The following GLDN variants were observed in gnomAD, a reference collection of about 807,000 sequenced individuals.
The protein encoded by GLDN is gliomedin.
GLDN carries 47 observed loss-of-function variants against 56.5 expected under a neutral mutation model. That is an observed-to-expected ratio of 0.83 (90% CI 0.66 to 1.06). The LOEUF (loss-of-function observed/expected upper bound fraction) is 1.06, where lower values mean the gene tolerates loss of function less well. Ranked by LOEUF, GLDN falls within the 50% of genes least tolerant of loss-of-function variation. The pLI, the probability that GLDN is intolerant of heterozygous loss-of-function variation, is 0.00. For synonymous variants in GLDN, 332 were observed against 278.8 expected, an observed-to-expected ratio of 1.19 and a Z score of -1.90; for missense variants, 782 against 714.3, an observed-to-expected ratio of 1.09 and a Z score of -1.08.
At chr15:51,343,913 C>A (rs1196028241) in intron 1 of GLDN, among the ~76,000 whole-genome samples, 1 of 152,224 alleles carries the variant, frequency 6.6e-6, no homozygotes, top group Non-Finnish European at 1.5e-5. Context: ...CTCATCCCCC[C>A]ACCTCCTATG....
chr15:51,363,268 A>G (rs2037336853), intron 1 of GLDN, among the ~76,000 whole-genome samples: 1 of 152,172 alleles, frequency 6.6e-6, no homozygotes, highest in Non-Finnish European at 1.5e-5. Context: ...GAGTCTGTCT[A>G]TTCCTTATGA....
At chr15:51,388,623 T>C (rs376868876) in intron 4 of GLDN, among the ~76,000 whole-genome samples, 1 of 152,210 alleles carries the variant, frequency 6.6e-6, no homozygotes. Context: ...ATAAATTCAT[T>C]GTTGAATGAC....
At chr15:51,388,842 G>C (rs2037955771) in intron 4 of GLDN, among the ~76,000 whole-genome samples, 1 of 152,174 alleles carries the variant, frequency 6.6e-6, no homozygotes, top group East Asian at 1.9e-4. Flanking sequence ...CTGAGCGCTG[G>C]TGCAGTTAAC....
At chr15:51,402,097 TAA>T (rs2038266998) in intron 9 of GLDN, among the ~76,000 whole-genome samples, 1 of 152,220 alleles carries the variant, frequency 6.6e-6, no homozygotes, top group South Asian at 2.1e-4. Flanking sequence ...TGCTCCCTGA[TAA>T]AGTTTTGTTT....
chr15:51,377,183 T>A, intron 1 of GLDN: 1 of 504,256 alleles, frequency 2.0e-6, no homozygotes, highest in Non-Finnish European at 3.5e-6. Context: ...AAACACGAAG[T>A]CATGCATTGC....
At chr15:51,355,487 G>T (rs1479826682) in intron 1 of GLDN, among the ~76,000 whole-genome samples, 2 of 151,248 alleles carry the variant, frequency 1.3e-5, no homozygotes, top group East Asian at 3.9e-4. Context: ...GGTTTTGGCT[G>T]GCTTCTTTAC....
At chr15:51,392,360 T>C (rs1020951460) in intron 4 of GLDN, among the ~76,000 whole-genome samples, 2 of 152,156 alleles carry the variant, frequency 1.3e-5, no homozygotes, top group Admixed American at 1.3e-4. Flanking sequence ...CAGCATTAGA[T>C]TCTCATAGGA....
intron 1 of GLDN, among the ~76,000 whole-genome samples, chr15:51,376,740 C>A (rs2037639452): frequency 6.6e-6 from 1 of 152,092 alleles, no homozygotes; most frequent in Non-Finnish European, 1.5e-5. Flanking sequence ...ACTTTTTAAG[C>A]TTTTTTGTTA....
chr15:51,341,868 G>C lies in GLDN; in HGVS notation c.184G>C (p.Asp62His). Residue 62 changes from aspartate to histidine, a missense_variant, in exon 1 of 10, where the codon GAC (aspartate) becomes CAC (histidine). By Grantham distance (81) the Asp-to-His change is moderately conservative. Transcript: ENST00000335449. ...GCAGCGGGGCCGGGAGCAGCGCGAG[G>C]ACAGTGCCCTGCGCTCCTTCCTGGC... Reference protein sequence around the residue: ...EAQRGREQREDSALRSFLAEL... With the variant: ...EAQRGREQREHSALRSFLAEL... The C allele has an allele frequency of 6.4e-7, 1 of 1,556,802 alleles. No individual in the cohort carries two copies. The highest frequency in any genetic ancestry group is 8.6e-7 in the Non-Finnish European group (1 of 1,159,812).
Position 51,341,768 on chromosome 15 carries a change from G to C in GLDN, c.84G>C (p.Ala28=). The change falls in exon 1 of 10, where the codon GCG becomes GCC. Residue 28 remains alanine, a synonymous_variant. Transcript: ENST00000335449. ...TGGCGGCCGTGGCGCTGCTCTCGGC[G>C]CTCAACGCTGCGGGCACGGTGTTCG... The part of the protein sequence containing the change: ...GALAAVALLS[A]LNAAGTVFAL... 1 of 1,492,044 alleles carries C rather than the reference G, an allele frequency of 6.7e-7. No individual in the cohort carries two copies. Among genetic ancestry groups the C allele is most frequent in the Non-Finnish European group, 8.8e-7 (1 of 1,130,824 alleles). The allele number at this position is 1,492,044 out of a possible 1,614,324, so 92.4% of individuals were successfully genotyped here.
At chr15:51,399,199 G>T (rs1213934552) in intron 6 of GLDN, among the ~76,000 whole-genome samples, 1 of 152,152 alleles carries the variant, frequency 6.6e-6, no homozygotes, top group East Asian at 1.9e-4. Context: ...CTCATCAGGT[G>T]ACAGAAGGAC....
At chr15:51,392,412 C>T (rs2038042399) in intron 4 of GLDN, among the ~76,000 whole-genome samples, 1 of 152,226 alleles carries the variant, frequency 6.6e-6, no homozygotes, top group Non-Finnish European at 1.5e-5. Flanking sequence ...TGATCTGTCA[C>T]TGTCTCCCAT....
downstream of GLDN, among the ~76,000 whole-genome samples, chr15:51,410,301 T>G (rs2038452151): frequency 6.6e-6 from 1 of 152,226 alleles, no homozygotes; most frequent in African/African-American, 2.4e-5. Flanking sequence ...AAAAGACATT[T>G]TGCTTTTGGT....
rs2037811152 is a variant in GLDN, at chr15:51,383,420, T to A, written c.416-16T>A. 9 of 1,613,934 alleles carry A rather than the reference T, an allele frequency of 5.6e-6. No homozygotes were observed. The highest frequency in any genetic ancestry group is 7.6e-6 in the Non-Finnish European group (9 of 1,179,884). ...TTCGGTGCTGGTTTCTCAACTAAAT[T>A]TTTTTTCCGTTGTAGGACCTTCTGG... On this transcript the variant is annotated splice_polypyrimidine_tract_variant and intron_variant, in intron 2 of 9. Coordinates refer to ENST00000335449, the MANE Select transcript of GLDN (RefSeq NM_181789.4).
intron 1 of GLDN, 79 bp downstream of exon 1, chr15:51,342,126 C>A (rs184002811): frequency 1.2e-5 from 14 of 1,173,898 alleles, no homozygotes; most frequent in Non-Finnish European, 1.6e-5. Context: ...CCGACGCCCT[C>A]TTCTCCCCTG....
chr15:51,401,657 C>T lies in GLDN; in HGVS notation c.1092C>T (p.His364=). The T allele has an allele frequency of 6.2e-7, 1 of 1,614,128 alleles. No homozygotes were observed. Among genetic ancestry groups the T allele is most frequent in the Non-Finnish European group, 8.5e-7 (1 of 1,179,950 alleles). Reference sequence around the variant, plus strand: ...TGAATGGCAGTTACACGTTCATCCACCTTCCATACTATTTCCATGGCTGTG... The same window carrying T: ...TGAATGGCAGTTACACGTTCATCCATCTTCCATACTATTTCCATGGCTGTG... ...SLLNGSYTFI[H]LPYYFHGCGH... is the part of the protein sequence containing the mutation. Residue 364 remains histidine (H), a synonymous_variant, in exon 9 of 10, where the codon CAC becomes CAT. Transcript: ENST00000335449.
intron 2 of GLDN, 121 bp from the exon 3 acceptor site, chr15:51,383,315 T>C (rs2037807416): frequency 1.9e-6 from 2 of 1,047,542 alleles, no homozygotes; most frequent in African/African-American, 1.6e-5. Context: ...GAGTTCTAAA[T>C]ACAAGGTGTC....
At chr15:51,413,253 A>G in the GLDN span, among the ~76,000 whole-genome samples, 1 of 152,118 alleles carries the variant, frequency 6.6e-6, no homozygotes, top group Non-Finnish European at 1.5e-5. Flanking sequence ...AATTTTTTGG[A>G]AGGAGGTGGA....
At chr15:51,386,398 C>T (rs561791314) in intron 4 of GLDN, among the ~76,000 whole-genome samples, 7 of 152,264 alleles carry the variant, frequency 4.6e-5, no homozygotes, top group African/African-American at 9.6e-5. Context: ...GCTGAGGCCC[C>T]GAGGCTGCAC....
Sources: gnomAD v4.1 joint callset for allele counts (sites outside exome capture counted in the v4.1 genomes callset) on GRCh38, gnomAD v4.1.1 for gene constraint, MANE v1.5 for transcripts, NCBI Gene and HGNC (gene_info 2026-07-23, HGNC 2026-07-21) for gene names.